The following ITPR2 variants were observed in gnomAD, a reference collection of about 807,000 sequenced individuals.
ITPR2 encodes the protein inositol 1,4,5-trisphosphate receptor type 2.
In ITPR2, 207 loss-of-function variants were observed where a neutral mutation model predicts 317.1. The observed-to-expected ratio is 0.65, with a 90% confidence interval of 0.58 to 0.73. The LOEUF is 0.73. Ranked by LOEUF, ITPR2 falls within the 30% of genes least tolerant of loss-of-function variation. The pLI is 0.00. For synonymous variants in ITPR2, 1,156 were observed against 1,149.1 expected (o/e 1.01, Z -0.12); for missense variants, 2,613 against 3,284.0 (o/e 0.80, Z 4.99).
intron 37 of ITPR2, among the ~76,000 whole-genome samples, chr12:26,538,652 C>A (rs1944169736): frequency 6.6e-6 from 1 of 152,078 alleles, no homozygotes; most frequent in Admixed American, 6.5e-5. Flanking sequence ...TCTCAGCTCA[C>A]TGCAACCTCC....
intron 55 of ITPR2, among the ~76,000 whole-genome samples, chr12:26,343,714 A>G (rs1338529355): frequency 6.6e-6 from 1 of 152,102 alleles, no homozygotes; most frequent in Admixed American, 6.5e-5. Flanking sequence ...AACAAAAGTG[A>G]CCAGGAGGTA....
rs79285606 is a variant in ITPR2, at chr12:26,391,216, C to G, written c.7697-3622G>C. On this transcript the variant is annotated intron_variant, in intron 54 of 56. Coordinates refer to ENST00000381340, the MANE Select transcript of ITPR2 (RefSeq NM_002223.4). ...TTATAATTACAATAATCCAATCTGA[C>G]CTTTTAGCATGTGAGGAAATAGATT... Among the ~76,000 whole-genome samples, 1,177 of 152,250 alleles carry G rather than the reference C, an allele frequency of 7.7e-3. 7 individuals are homozygous for G. The highest frequency in any genetic ancestry group is 0.012 in the Non-Finnish European group (831 of 68,014).
At chr12:26,355,929 G>GC (rs1938624477) in intron 55 of ITPR2, among the ~76,000 whole-genome samples, 2 of 152,180 alleles carry the variant, frequency 1.3e-5, no homozygotes, top group African/African-American at 4.8e-5. Context: ...CTTGCATTCA[G>GC]ACTAAACTTT....
At chr12:26,719,623 T>C (rs1948799306) in intron 5 of ITPR2, among the ~76,000 whole-genome samples, 1 of 152,210 alleles carries the variant, frequency 6.6e-6, no homozygotes, top group Non-Finnish European at 1.5e-5. Flanking sequence ...TTTATTACAC[T>C]TTAAGTTTTA....
chr12:26,724,372 G>A (rs1489011059), intron 4 of ITPR2, among the ~76,000 whole-genome samples: 1 of 152,122 alleles, frequency 6.6e-6, no homozygotes, highest in Non-Finnish European at 1.5e-5. Context: ...TTTCAGAACA[G>A]GCCTTTAGAA....
chr12:26,800,263 A>G (rs911669199), intron 1 of ITPR2, among the ~76,000 whole-genome samples: 1 of 152,250 alleles, frequency 6.6e-6, no homozygotes, highest in Non-Finnish European at 1.5e-5. Context: ...TACTTGATAT[A>G]CTACAGATTA....
At chr12:26,817,628 CA>C (rs1324814852) in intron 1 of ITPR2, among the ~76,000 whole-genome samples, 1 of 152,182 alleles carries the variant, frequency 6.6e-6, no homozygotes, top group Non-Finnish European at 1.5e-5. Flanking sequence ...TCTCCTGCTT[CA>C]AAATCCTTCA....
At chr12:26,719,157 A>T (rs142297083) in intron 5 of ITPR2, among the ~76,000 whole-genome samples, 2 of 152,344 alleles carry the variant, frequency 1.3e-5, no homozygotes, top group African/African-American at 4.8e-5. Flanking sequence ...AGTTCCAGGG[A>T]GAAAACAAAA....
chr12:26,811,948 G>A (rs140196726), intron 1 of ITPR2, among the ~76,000 whole-genome samples: 1,580 of 151,158 alleles, frequency 0.01, 21 homozygotes, highest in African/African-American at 0.036. Context: ...GATCACTTGA[G>A]GCCAGGAGTT....
At chr12:26,436,421 A>G in intron 47 of ITPR2, 75 bp from the exon 48 acceptor site, 1 of 1,321,854 alleles carries the variant, frequency 7.6e-7, no homozygotes. Context: ...TTACCAAAAC[A>G]ATATTTTACT....
chr12:26,405,516 A>G, intron 52 of ITPR2, among the ~76,000 whole-genome samples: 1 of 152,258 alleles, frequency 6.6e-6, no homozygotes, highest in East Asian at 1.9e-4. Context: ...AAGGAATACA[A>G]ACATATTTTA....
chr12:26,552,973 T>C (rs1381729987), intron 36 of ITPR2, among the ~76,000 whole-genome samples: 2 of 152,204 alleles, frequency 1.3e-5, no homozygotes, highest in Non-Finnish European at 2.9e-5. Context: ...GTTAGGTCGG[T>C]GACTTTCAAA....
In ITPR2 at chr12:26,363,065, C is replaced by T. The variant is rs569934645; in HGVS notation, c.7858-22737G>A. Among the ~76,000 whole-genome samples the T allele has an allele frequency of 7.9e-5, 12 of 152,314 alleles. No homozygotes were observed. In the East Asian group the frequency reaches 2.3e-3, roughly 29 times the overall value. On this transcript the variant is annotated intron_variant, in intron 55 of 56. Coordinates refer to ENST00000381340, the MANE Select transcript of ITPR2 (RefSeq NM_002223.4). Reference sequence around the variant, plus strand: ...CTGTGGCCTGTTAGGAACTGGGCTGCATAGCAGGAAGTGAGTGGTAGATGA... The same window carrying T: ...CTGTGGCCTGTTAGGAACTGGGCTGTATAGCAGGAAGTGAGTGGTAGATGA...
chr12:26,606,189 A>AG (rs753078051), intron 26 of ITPR2, among the ~76,000 whole-genome samples: 1 of 78,376 alleles, frequency 1.3e-5, no homozygotes, highest in Non-Finnish European at 2.7e-5. Context: ...GAATGGGCCT[A>AG]GAAAAAAAAA....
At chr12:26,796,326 G>A (rs1950442374) in intron 1 of ITPR2, among the ~76,000 whole-genome samples, 2 of 152,214 alleles carry the variant, frequency 1.3e-5, no homozygotes, top group African/African-American at 4.8e-5. Flanking sequence ...TAAGCCTGAG[G>A]AACCACTAAT....
chr12:26,425,044 A>G (rs1941014397), intron 49 of ITPR2, among the ~76,000 whole-genome samples: 1 of 152,080 alleles, frequency 6.6e-6, no homozygotes, highest in Non-Finnish European at 1.5e-5. Flanking sequence ...TACAGGCATC[A>G]GTCACTGCAC....
chr12:26,757,802 A>G (rs1949553866), intron 2 of ITPR2, among the ~76,000 whole-genome samples: 1 of 152,220 alleles, frequency 6.6e-6, no homozygotes, highest in African/African-American at 2.4e-5. Context: ...ATCCAAGTCC[A>G]TCTCTGTTTA....
At chr12:26,411,281 A>C in intron 52 of ITPR2, 39 bp downstream of exon 52, 1 of 1,336,808 alleles carries the variant, frequency 7.5e-7, no homozygotes, top group Non-Finnish European at 1.1e-6. Flanking sequence ...AACTTCAAAG[A>C]TATCAAGTTC....
intron 26 of ITPR2, among the ~76,000 whole-genome samples, chr12:26,606,417 G>T (rs1306636221): frequency 6.6e-6 from 1 of 152,082 alleles, no homozygotes; most frequent in East Asian, 1.9e-4. Flanking sequence ...TAATTGCATA[G>T]TATATACCAT....
Sources: gnomAD v4.1 joint callset for allele counts (sites outside exome capture counted in the v4.1 genomes callset) on GRCh38, gnomAD v4.1.1 for gene constraint, MANE v1.5 for transcripts, NCBI Gene and HGNC (gene_info 2026-07-23, HGNC 2026-07-21) for gene names.